SUGCT: variants seen among roughly 807,000 people sequenced by gnomAD.
SUGCT encodes the protein succinyl-CoA:glutarate-CoA transferase.
In SUGCT, 41 loss-of-function variants were observed where a neutral mutation model predicts 55.0. The observed-to-expected ratio is 0.74, with a 90% confidence interval of 0.58 to 0.97. The LOEUF is 0.97. Ranked by LOEUF, SUGCT falls within the 50% of genes least tolerant of loss-of-function variation. SUGCT has a pLI of 0.00. For synonymous variants in SUGCT, 187 were observed against 200.4 expected (o/e 0.93, Z 0.56); for missense variants, 568 against 547.8 (o/e 1.04, Z -0.37).
chr7:40,805,133 T>G (rs1426551282), intron 13 of SUGCT, among the ~76,000 whole-genome samples: 1 of 152,190 alleles, frequency 6.6e-6, no homozygotes, highest in African/African-American at 2.4e-5. Context: ...GATGCACTGG[T>G]TCCTGGATCA....
chr7:40,550,678 G>T (rs6943787), intron 12 of SUGCT, among the ~76,000 whole-genome samples: 27,703 of 152,042 alleles, frequency 0.18, 3,954 homozygotes, highest in African/African-American at 0.4. Flanking sequence ...TATTTGAACA[G>T]TTAAATCAAA....
the SUGCT span, among the ~76,000 whole-genome samples, chr7:41,036,899 C>A: frequency 1.3e-5 from 2 of 152,182 alleles, no homozygotes; most frequent in Non-Finnish European, 2.9e-5. Flanking sequence ...TCCCTCTTGA[C>A]CAAAGCCAGT....
chr7:40,548,186 C>CTTT (rs1186226631), intron 12 of SUGCT, among the ~76,000 whole-genome samples: 1,082 of 104,928 alleles, frequency 0.01, 6 homozygotes, highest in African/African-American at 0.028. Flanking sequence ...TTCTTTCTTT[C>CTTT]TTTTTTTTTT....
intron 9 of SUGCT, among the ~76,000 whole-genome samples, chr7:40,359,951 A>G (rs1000316215): frequency 1.3e-5 from 2 of 152,232 alleles, no homozygotes; most frequent in Non-Finnish European, 2.9e-5. Context: ...TACAAATGTT[A>G]GAGAAATGAC....
intron 12 of SUGCT, among the ~76,000 whole-genome samples, chr7:40,540,243 A>C (rs1426073973): frequency 1.3e-5 from 2 of 152,228 alleles, no homozygotes; most frequent in African/African-American, 4.8e-5. Flanking sequence ...GTGGAGAATA[A>C]TGGGAATAAT....
At chr7:40,898,918 C>G in the SUGCT span, among the ~76,000 whole-genome samples, 1 of 152,030 alleles carries the variant, frequency 6.6e-6, no homozygotes, top group East Asian at 1.9e-4. Context: ...GAAGCTGTTC[C>G]TCAAACAAAA....
intron 12 of SUGCT, among the ~76,000 whole-genome samples, chr7:40,648,913 C>T (rs945344493): frequency 6.6e-6 from 1 of 152,060 alleles, no homozygotes; most frequent in African/African-American, 2.4e-5. Context: ...TTTTAAGCCG[C>T]CTAGTTTGAG....
chr7:40,637,978 T>C (rs1344200636), intron 12 of SUGCT, among the ~76,000 whole-genome samples: 1 of 152,252 alleles, frequency 6.6e-6, no homozygotes, highest in East Asian at 1.9e-4. Flanking sequence ...CTGATACTGG[T>C]TGAAATTTTT....
chr7:40,899,482 G>T, the SUGCT span, among the ~76,000 whole-genome samples: 19,651 of 152,080 alleles, frequency 0.13, 1,586 homozygotes, highest in African/African-American at 0.23. Context: ...CGACTCAAGA[G>T]GCAACGCACA....
chr7:41,025,246 T>A, the SUGCT span, among the ~76,000 whole-genome samples: 1 of 152,222 alleles, frequency 6.6e-6, no homozygotes, highest in African/African-American at 2.4e-5. Flanking sequence ...TAAACAGATG[T>A]CAAAGAAATA....
the SUGCT span, among the ~76,000 whole-genome samples, chr7:41,028,622 A>T: frequency 2.0e-5 from 3 of 152,256 alleles, no homozygotes; most frequent in Non-Finnish European, 2.9e-5. Flanking sequence ...GGCAATTGTT[A>T]CATAATGATA....
At chr7:40,506,080 C>T (rs1792572083) in intron 12 of SUGCT, among the ~76,000 whole-genome samples, 1 of 152,070 alleles carries the variant, frequency 6.6e-6, no homozygotes, top group African/African-American at 2.4e-5. Context: ...ATTACTTTTA[C>T]TGGTGCTCTC....
chr7:40,337,916 A>G (rs1036462831), intron 9 of SUGCT, among the ~76,000 whole-genome samples: 1 of 152,034 alleles, frequency 6.6e-6, no homozygotes, highest in South Asian at 2.1e-4. Flanking sequence ...TTAGTGCTTC[A>G]TTCAGGAGCT....
At chr7:40,445,251 C>T (rs924752909) in intron 9 of SUGCT, among the ~76,000 whole-genome samples, 8 of 151,872 alleles carry the variant, frequency 5.3e-5, no homozygotes, top group Non-Finnish European at 1.0e-4. Context: ...AGACCGCTAG[C>T]AAGACTAATA....
At chr7:40,518,108 T>C (rs1427232999) in intron 12 of SUGCT, among the ~76,000 whole-genome samples, 1 of 151,990 alleles carries the variant, frequency 6.6e-6, no homozygotes, top group Non-Finnish European at 1.5e-5. Flanking sequence ...CAAAATTCAC[T>C]CAAGCCTACA....
At chr7:40,619,739 T>C (rs1313443436) in intron 12 of SUGCT, among the ~76,000 whole-genome samples, 1 of 152,226 alleles carries the variant, frequency 6.6e-6, no homozygotes, top group Admixed American at 6.5e-5. Flanking sequence ...TAAAGCCATT[T>C]AAAACTTTTT....
At chr7:40,928,876 G>A in the SUGCT span, among the ~76,000 whole-genome samples, 18 of 152,016 alleles carry the variant, frequency 1.2e-4, no homozygotes, top group Admixed American at 2.0e-4. Flanking sequence ...TGGGATTACA[G>A]GCATGAGCCA....
At chr7:40,921,781 C>T in the SUGCT span, among the ~76,000 whole-genome samples, 1 of 152,122 alleles carries the variant, frequency 6.6e-6, no homozygotes, top group Admixed American at 6.5e-5. Context: ...TTGCCCACTG[C>T]ACTTTGAGAG....
intron 13 of SUGCT, among the ~76,000 whole-genome samples, chr7:40,755,411 A>C (rs1449519062): frequency 2.6e-5 from 4 of 152,268 alleles, no homozygotes; most frequent in Non-Finnish European, 4.4e-5. Context: ...TTTACATCAC[A>C]GCATTTCTGC....
Sources: allele counts gnomAD v4.1 joint callset (sites outside exome capture counted in the v4.1 genomes callset), GRCh38; gene constraint gnomAD v4.1.1; transcripts MANE v1.5; gene names NCBI Gene and HGNC (gene_info 2026-07-23, HGNC 2026-07-21).